The following TNRC6C variants were observed in gnomAD, a reference collection of about 807,000 sequenced individuals.
The protein encoded by TNRC6C is trinucleotide repeat-containing gene 6C protein.
TNRC6C carries 20 observed loss-of-function variants against 153.7 expected under a neutral mutation model. The observed-to-expected ratio is 0.13, with a 90% CI of 0.09 to 0.19. TNRC6C has a LOEUF of 0.19. TNRC6C is among the 10% of genes least tolerant of loss of function. The pLI, the probability that TNRC6C is intolerant of heterozygous loss-of-function variation, is 1.00. For missense variants in TNRC6C, 1,987 were observed against 2,172.0 expected (o/e 0.91, Z 1.69); for synonymous variants, 811 against 841.4 (o/e 0.96, Z 0.63).
chr17:77,972,392 A>G (rs1490254800), intron 1 of TNRC6C, among the ~76,000 whole-genome samples: 1 of 152,050 alleles, frequency 6.6e-6, no homozygotes, highest in Non-Finnish European at 1.5e-5. Flanking sequence ...GGTACCTGTA[A>G]TCCCAGCTAC....
chr17:78,062,213 TA>T (rs1364659912), intron 3 of TNRC6C, among the ~76,000 whole-genome samples: 1 of 152,238 alleles, frequency 6.6e-6, no homozygotes, highest in African/African-American at 2.4e-5. Context: ...TTGCTGGCGA[TA>T]ACTGGTTAGG....
intron 13 of TNRC6C, among the ~76,000 whole-genome samples, chr17:78,087,813 G>A (rs751855701): frequency 1.3e-4 from 20 of 152,278 alleles, no homozygotes; most frequent in East Asian, 1.2e-3. Flanking sequence ...CTTGAAACCC[G>A]CAGGTCAGTA....
At chr17:77,970,567 T>C (rs928026970) in intron 1 of TNRC6C, among the ~76,000 whole-genome samples, 2 of 152,212 alleles carry the variant, frequency 1.3e-5, no homozygotes, top group African/African-American at 4.8e-5. Flanking sequence ...CATATGGGTA[T>C]AGACCAAGCT....
intron 2 of TNRC6C, among the ~76,000 whole-genome samples, chr17:78,040,335 A>AAATAAT (rs981949245): frequency 6.6e-6 from 1 of 152,186 alleles, no homozygotes; most frequent in Non-Finnish European, 1.5e-5. Context: ...TATCTTTAAA[A>AAATAAT]AATAATAATA....
chr17:78,005,625 A>G lies in TNRC6C; in HGVS notation c.-546+546A>G, dbSNP rs547871887. 1.1e-3 allele frequency among the ~76,000 whole-genome samples: 172 copies of G among 152,274 alleles called. 1 individual carries two copies. Among genetic ancestry groups the G allele is most frequent in the African/African-American group, 3.8e-3 (160 of 41,560 alleles). On this transcript the variant is annotated intron_variant, in intron 1 of 19. Transcript: ENST00000301624. ...TATGATGTGCTGGAGATTCAGAATG[A>G]ACAAACTGAAAGCCATACTCCAAGC...
At chr17:77,973,097 G>T (rs1050727858) in intron 1 of TNRC6C, among the ~76,000 whole-genome samples, 2 of 152,082 alleles carry the variant, frequency 1.3e-5, no homozygotes, top group African/African-American at 4.8e-5. Flanking sequence ...AGTAAAGACG[G>T]GGTTTCACTA....
intron 1 of TNRC6C, among the ~76,000 whole-genome samples, chr17:77,994,850 TA>T (rs1230505175): frequency 3.3e-5 from 5 of 152,268 alleles, no homozygotes; most frequent in Non-Finnish European, 7.3e-5. Context: ...TGCTATTGGT[TA>T]AATACAGCTT....
chr17:78,027,248 CAGG>C (rs940830925), intron 1 of TNRC6C, among the ~76,000 whole-genome samples: 1 of 151,930 alleles, frequency 6.6e-6, no homozygotes, highest in African/African-American at 2.4e-5. Context: ...GAAGGTTTGG[CAGG>C]AGGAGAGGAG....
chr17:78,106,069 A>AT (rs2073688404), exon 20 of TNRC6C: 1 of 149,158 alleles, frequency 6.7e-6, no homozygotes. Flanking sequence ...AAAAAAAAAA[A>AT]CTGTTGTTGA....
chr17:77,989,975 C>T (rs2071225062), intron 1 of TNRC6C, among the ~76,000 whole-genome samples: 1 of 152,180 alleles, frequency 6.6e-6, no homozygotes, highest in South Asian at 2.1e-4. Flanking sequence ...TGGAATTTTA[C>T]ATTCAGCTCC....
At chr17:78,052,249 G>A (rs1425670243) in intron 3 of TNRC6C, among the ~76,000 whole-genome samples, 2 of 152,196 alleles carry the variant, frequency 1.3e-5, no homozygotes, top group Non-Finnish European at 2.9e-5. Flanking sequence ...GCAGCAGCAC[G>A]AGTAGAGAGG....
At chr17:77,965,993 G>A (rs1190859802) in intron 1 of TNRC6C, among the ~76,000 whole-genome samples, 1 of 152,144 alleles carries the variant, frequency 6.6e-6, no homozygotes, top group African/African-American at 2.4e-5. Flanking sequence ...CCCCAGAGAG[G>A]GCCTGTGGGC....
In TNRC6C at chr17:78,104,784, G is replaced by T; in HGVS notation, c.5012G>T (p.Gly1671Val). The T allele has an allele frequency of 2.1e-6, 3 of 1,456,368 alleles. No homozygotes were observed. The highest frequency in any genetic ancestry group is 2.7e-6 in the Non-Finnish European group (3 of 1,103,900). 90.2% of individuals were successfully genotyped at this position (1,456,368 alleles called of 1,614,324 possible). The change falls in exon 20 of 20, where the codon GGC becomes GTC. Residue 1671 changes from glycine to valine, a missense_variant. By Grantham distance (109) the Gly-to-Val change is moderately radical. Coordinates refer to ENST00000301624, the Ensembl canonical transcript of TNRC6C. This position sits in a 1 kb window ranked among gnomAD's most constrained non-coding sequence, Gnocchi z 6.2. Reference sequence around the variant, plus strand: ...AGCGCCGACGACAGCAGGGTGATAGGCAGCCCCACGCCGCTAACCACCCTG... The same window carrying T: ...AGCGCCGACGACAGCAGGGTGATAGTCAGCCCCACGCCGCTAACCACCCTG...
chr17:78,053,642 G>A (rs1383546495), intron 3 of TNRC6C, among the ~76,000 whole-genome samples: 1 of 150,794 alleles, frequency 6.6e-6, no homozygotes, highest in African/African-American at 2.4e-5. Context: ...AAAAAAAAAA[G>A]AAAGAAAGAA....
chr17:77,965,058 C>T (rs949953866), intron 1 of TNRC6C, among the ~76,000 whole-genome samples: 1 of 152,152 alleles, frequency 6.6e-6, no homozygotes, highest in African/African-American at 2.4e-5. Context: ...TGAGCATTTA[C>T]AATGTGATTA....
chr17:77,971,375 C>T (rs1002759285), intron 1 of TNRC6C, among the ~76,000 whole-genome samples: 1 of 152,186 alleles, frequency 6.6e-6, no homozygotes, highest in African/African-American at 2.4e-5. Flanking sequence ...GATAAACTTT[C>T]TCTTCTCTAT....
rs59304499 is a variant in TNRC6C, at chr17:78,088,959, CTTTTTTTTTTTTTT to C, written c.3802+1879_3802+1892del. 8.1e-5 allele frequency among the ~76,000 whole-genome samples: 7 copies of C among 86,764 alleles called. 1 individual carries two copies. Among genetic ancestry groups the C allele is most frequent in the East Asian group, 3.2e-4 (1 of 3,120 alleles). The allele number at this position is 86,764 out of a possible 152,430, so 56.9% of individuals were successfully genotyped here. ...GGAGGATAAAGTACACTTATCGTTACTTTTTTTTTTTTTTTTTTTTTTTTTTGAGATAGAGTCTT... is the reference window on the plus strand; with the variant it reads ...GGAGGATAAAGTACACTTATCGTTACTTTTTTTTTTTTGAGATAGAGTCTT... On this transcript the variant is annotated intron_variant, in intron 13 of 19. Transcript: ENST00000301624.
At chr17:78,019,870 A>G (rs746182544) in intron 1 of TNRC6C, among the ~76,000 whole-genome samples, 9 of 152,194 alleles carry the variant, frequency 5.9e-5, no homozygotes, top group Non-Finnish European at 1.3e-4. Flanking sequence ...GGGAATGTCA[A>G]GATTGCTTTG....
At chr17:78,102,385 CCCACACTTCA>C in intron 17 of TNRC6C, 79 bp from the exon 21 acceptor site, 1 of 1,231,592 alleles carries the variant, frequency 8.1e-7, no homozygotes, top group Non-Finnish European at 1.2e-6. Flanking sequence ...CCTGTGCTGT[CCCACACTTCA>C]GCACAATAAG....
Sources: gnomAD v4.1 joint callset for allele counts (sites outside exome capture counted in the v4.1 genomes callset) on GRCh38, gnomAD v4.1.1 for gene constraint, Gnocchi (gnomAD v3.1) non-coding constraint, MANE v1.5 for transcripts, NCBI Gene and HGNC (gene_info 2026-07-23, HGNC 2026-07-21) for gene names.